The following CSMD1 variants were observed in gnomAD, a reference collection of about 807,000 sequenced individuals.
The protein encoded by CSMD1 is CUB and sushi domain-containing protein 1.
CSMD1 carries 213 observed loss-of-function variants against 417.5 expected under a neutral mutation model. The ratio of observed to expected loss-of-function variants is 0.51; its 90% CI spans 0.46 to 0.57. The LOEUF is 0.57. CSMD1 is among the 20% of genes least tolerant of loss of function. The probability of loss-of-function intolerance (pLI) is 0.00; values close to 1 mark genes in which losing one functional copy is unlikely to be tolerated. For synonymous variants in CSMD1, 2,862 were observed against 1,736.8 expected, an observed-to-expected ratio of 1.65 and a Z score of -16.11; for missense variants, 6,923 against 4,529.7, an observed-to-expected ratio of 1.53 and a Z score of -15.17.
intron 8 of CSMD1, among the ~76,000 whole-genome samples, chr8:3,590,226 G>C (rs575408667): frequency 3.3e-5 from 5 of 152,014 alleles, no homozygotes; most frequent in Admixed American, 6.5e-5. Flanking sequence ...ACCCATTTTT[G>C]AGCGGTAGTA....
At chr8:4,162,728 G>A (rs1240342196) in intron 3 of CSMD1, among the ~76,000 whole-genome samples, 1 of 152,088 alleles carries the variant, frequency 6.6e-6, no homozygotes. Flanking sequence ...TGTTCCAATC[G>A]ATGAACTTAC....
At chr8:4,093,617 C>A (rs187481458) in intron 3 of CSMD1, among the ~76,000 whole-genome samples, 347 of 152,012 alleles carry the variant, frequency 2.3e-3, no homozygotes, top group African/African-American at 7.7e-3. Context: ...ATTTGAAAGT[C>A]GAATTTAAGC....
chr8:3,926,846 G>A lies in CSMD1; in HGVS notation c.818+71057C>T, dbSNP rs998240566. Among the ~76,000 whole-genome samples the A allele has an allele frequency of 4.0e-5, 6 of 149,574 alleles. 1 individual carries two copies. The highest frequency in any genetic ancestry group is 1.5e-4 in the African/African-American group (6 of 40,610). The stretch of plus-strand genomic sequence containing the variant: ...TTCCCCTGCCTCAGACTCCCAAGTA[G>A]CTGGGATTACAGGCATGTGCCACGA... On this transcript the variant is annotated intron_variant, in intron 5 of 69. Transcript: ENST00000635120.
At chr8:3,330,962 G>C (rs73171179) in intron 23 of CSMD1, among the ~76,000 whole-genome samples, 3 of 152,026 alleles carry the variant, frequency 2.0e-5, no homozygotes, top group African/African-American at 7.3e-5. Context: ...TAAAAGAAAA[G>C]CAACAGTGCC....
intron 2 of CSMD1, among the ~76,000 whole-genome samples, chr8:4,507,467 G>C (rs896160589): frequency 3.9e-5 from 6 of 152,092 alleles, no homozygotes. Context: ...TCTGGCTATT[G>C]ATTACAAATA....
chr8:3,829,275 G>C (rs1055005352), intron 5 of CSMD1, among the ~76,000 whole-genome samples: 1 of 151,988 alleles, frequency 6.6e-6, no homozygotes, highest in Admixed American at 6.6e-5. Flanking sequence ...GAGAAAATAC[G>C]ATGTTTGGTT....
intron 1 of CSMD1, among the ~76,000 whole-genome samples, chr8:4,918,143 C>T (rs1246482129): frequency 6.6e-6 from 1 of 152,086 alleles, no homozygotes; most frequent in East Asian, 1.9e-4. Flanking sequence ...AAAAATTCTT[C>T]CTTTGAATGG....
At chr8:3,179,205 A>C (rs575206034) in intron 37 of CSMD1, among the ~76,000 whole-genome samples, 1 of 151,992 alleles carries the variant, frequency 6.6e-6, no homozygotes, top group Non-Finnish European at 1.5e-5. Context: ...TTGGCCTCCC[A>C]AAGTGCTGGG....
At chr8:4,980,909 A>C (rs1420086546) in intron 1 of CSMD1, among the ~76,000 whole-genome samples, 1 of 152,138 alleles carries the variant, frequency 6.6e-6, no homozygotes, top group Admixed American at 6.5e-5. Context: ...CTCGAAAAAA[A>C]AAAAAACTTA....
intron 6 of CSMD1, among the ~76,000 whole-genome samples, chr8:3,739,290 G>C (rs1329838956): frequency 6.6e-6 from 1 of 152,186 alleles, no homozygotes; most frequent in African/African-American, 2.4e-5. Context: ...TCTTTAGAAA[G>C]AATACAAAAT....
At chr8:4,902,109 A>C (rs1585293921) in intron 1 of CSMD1, among the ~76,000 whole-genome samples, 1 of 152,174 alleles carries the variant, frequency 6.6e-6, no homozygotes, top group East Asian at 1.9e-4. Flanking sequence ...TTTTCTTCCA[A>C]ATAACTATAT....
At chr8:4,608,500 G>C (rs752372873) in intron 2 of CSMD1, among the ~76,000 whole-genome samples, 1 of 152,182 alleles carries the variant, frequency 6.6e-6, no homozygotes, top group East Asian at 1.9e-4. Flanking sequence ...TGTATTATTT[G>C]GAGTGTTTAA....
chr8:3,383,207 C>G (rs1810751379), intron 18 of CSMD1, among the ~76,000 whole-genome samples: 1 of 152,196 alleles, frequency 6.6e-6, no homozygotes, highest in African/African-American at 2.4e-5. Flanking sequence ...GTGATGCTTT[C>G]ATAGATGTTC....
At chr8:3,481,361 G>A (rs1817741024) in intron 11 of CSMD1, among the ~76,000 whole-genome samples, 1 of 152,070 alleles carries the variant, frequency 6.6e-6, no homozygotes, top group African/African-American at 2.4e-5. Flanking sequence ...CTTACTTAAT[G>A]ATTGAAACAA....
intron 5 of CSMD1, among the ~76,000 whole-genome samples, chr8:3,994,381 T>A (rs1305847066): frequency 6.9e-6 from 1 of 145,674 alleles, no homozygotes; most frequent in Non-Finnish European, 1.5e-5. Flanking sequence ...AGAAATGAAA[T>A]CAATTTTCTT....
At chr8:3,786,237 A>T (rs929975468) in intron 5 of CSMD1, among the ~76,000 whole-genome samples, 1 of 152,054 alleles carries the variant, frequency 6.6e-6, no homozygotes, top group Non-Finnish European at 1.5e-5. Flanking sequence ...TCGCTAAGAC[A>T]TTGTCGGGAG....
intron 10 of CSMD1, among the ~76,000 whole-genome samples, chr8:3,565,191 T>C (rs1209046801): frequency 2.2e-5 from 1 of 45,994 alleles, no homozygotes; most frequent in African/African-American, 7.0e-5. Context: ...GAAAGATACA[T>C]AGATAGACAG....
intron 48 of CSMD1, among the ~76,000 whole-genome samples, chr8:3,088,174 T>C (rs1814678901): frequency 6.6e-6 from 1 of 152,166 alleles, no homozygotes; most frequent in Admixed American, 6.5e-5. Context: ...AATAATAATT[T>C]TACCCACACA....
intron 6 of CSMD1, among the ~76,000 whole-genome samples, chr8:3,742,149 T>C (rs1018889730): frequency 6.6e-6 from 1 of 152,174 alleles, no homozygotes; most frequent in Non-Finnish European, 1.5e-5. Context: ...TAGTCACTTC[T>C]ATCGCCTTTC....
Sources: gnomAD v4.1 joint callset for allele counts (sites outside exome capture counted in the v4.1 genomes callset) on GRCh38, gnomAD v4.1.1 for gene constraint, MANE v1.5 for transcripts, NCBI Gene and HGNC (gene_info 2026-07-23, HGNC 2026-07-21) for gene names.